Variants in PLA2G4E observed in about 807,000 individuals in gnomAD.
The protein encoded by PLA2G4E is phospholipase A2 group IVE.
A neutral mutation model predicts 109.1 loss-of-function variants in PLA2G4E; 84 were observed. The observed-to-expected ratio is 0.77, with a 90% confidence interval of 0.65 to 0.92. The LOEUF (loss-of-function observed/expected upper bound fraction) is 0.92, where lower values mean the gene tolerates loss of function less well. PLA2G4E is among the 40% of genes least tolerant of loss of function. The pLI, the probability that PLA2G4E is intolerant of heterozygous loss-of-function variation, is 0.00. For synonymous variants in PLA2G4E, 469 were observed against 436.1 expected (o/e 1.08, Z -0.94); for missense variants, 1,057 against 1,076.6 (o/e 0.98, Z 0.25).
intron 1 of PLA2G4E, among the ~76,000 whole-genome samples, chr15:42,039,845 A>G (rs919300076): frequency 7.9e-5 from 12 of 152,210 alleles, no homozygotes; most frequent in African/African-American, 2.7e-4. Flanking sequence ...GGGAAAATAA[A>G]ATGATCAATT....
intron 1 of PLA2G4E, among the ~76,000 whole-genome samples, chr15:42,042,229 T>C (rs977958229): frequency 1.3e-5 from 2 of 152,188 alleles, no homozygotes; most frequent in Non-Finnish European, 2.9e-5. Context: ...AATGACAAGT[T>C]TTACAATACG....
intron 18 of PLA2G4E, among the ~76,000 whole-genome samples, chr15:41,985,149 C>T (rs1234196443): frequency 2.0e-5 from 3 of 152,174 alleles, no homozygotes; most frequent in Non-Finnish European, 4.4e-5. Flanking sequence ...TCTTGGTTTC[C>T]TCATCCATAA....
At chr15:42,040,174 T>C (rs937264391) in intron 1 of PLA2G4E, among the ~76,000 whole-genome samples, 1 of 151,720 alleles carries the variant, frequency 6.6e-6, no homozygotes, top group African/African-American at 2.4e-5. Context: ...CCTCCATCAT[T>C]CTACAAAACT....
At chr15:41,983,920 G>A (rs2068098324) in exon 20 of PLA2G4E, 1 of 1,613,036 alleles carries the variant, frequency 6.2e-7, no homozygotes, top group African/African-American at 1.3e-5. Context: ...GGGAGTTTTG[G>A]GACCATAAAT....
rs142903033 is a variant in PLA2G4E at position 42,021,289 on chromosome 15, C to T, written c.184-7532G>A. Among the ~76,000 whole-genome samples, 339 of 152,102 alleles carry T rather than the reference C, an allele frequency of 2.2e-3. 1 individual carries two copies. The highest frequency in any genetic ancestry group is 7.7e-3 in the African/African-American group (319 of 41,494). On this transcript the variant is annotated intron_variant, in intron 1 of 19. Coordinates refer to ENST00000399518, the Ensembl canonical transcript of PLA2G4E. Reference sequence around the variant, plus strand: ...CCCCCAGCCACTCAGAATGACCAGGCCTTCAAGGGCACAGTGGGTGGCAAG... The same window carrying T: ...CCCCCAGCCACTCAGAATGACCAGGTCTTCAAGGGCACAGTGGGTGGCAAG...
chr15:42,027,795 A>G (rs1252307386), intron 1 of PLA2G4E, among the ~76,000 whole-genome samples: 1 of 149,720 alleles, frequency 6.7e-6, no homozygotes, highest in African/African-American at 2.5e-5. Flanking sequence ...CCTTGACCGC[A>G]CTCTGTTTAT....
At chr15:42,013,428 C>T (rs866028740) in intron 2 of PLA2G4E, among the ~76,000 whole-genome samples, 4 of 152,124 alleles carry the variant, frequency 2.6e-5, no homozygotes, top group Non-Finnish European at 4.4e-5. Context: ...GCACAGACTG[C>T]GGGGCAGGTA....
chr15:42,027,139 G>A (rs1012540678), intron 1 of PLA2G4E, among the ~76,000 whole-genome samples: 2 of 152,144 alleles, frequency 1.3e-5, no homozygotes, highest in East Asian at 1.9e-4. Flanking sequence ...CACACGAGAC[G>A]CACGCAGAAC....
intron 4 of PLA2G4E, among the ~76,000 whole-genome samples, chr15:42,005,367 C>G (rs1017178109): frequency 6.6e-6 from 1 of 152,244 alleles, no homozygotes; most frequent in Non-Finnish European, 1.5e-5. Flanking sequence ...CACTGAGTCC[C>G]TCACACCTCT....
rs374184492 is a variant in PLA2G4E at position 41,984,638 on chromosome 15, C to T, written c.2203-19G>A. 5.0e-5 allele frequency: 78 copies of T among 1,551,960 alleles called. No homozygotes were observed. Among genetic ancestry groups the T allele is most frequent in the Middle Eastern group, 1.7e-4 (1 of 5,780 alleles). On this transcript the variant is annotated intron_variant, in intron 18 of 19. Coordinates refer to ENST00000399518, the Ensembl canonical transcript of PLA2G4E. ...TCAGGGGCTGGAACAGCACAGAGGG[C>T]GTGTTTGAGCATTAGGAGGAGTGGG...
intron 1 of PLA2G4E, among the ~76,000 whole-genome samples, chr15:42,019,687 G>T (rs954871696): frequency 6.6e-6 from 1 of 152,204 alleles, no homozygotes; most frequent in Non-Finnish European, 1.5e-5. Flanking sequence ...GAGGGGACAT[G>T]ATGGGACCCT....
chr15:41,989,019 C>G (rs76656624), intron 15 of PLA2G4E, among the ~76,000 whole-genome samples: 1 of 152,122 alleles, frequency 6.6e-6, no homozygotes, highest in African/African-American at 2.4e-5. Flanking sequence ...CATGAAGAAC[C>G]GAGGCGCTTA....
chr15:42,000,177 G>A, exon 8 of PLA2G4E: 2 of 1,594,974 alleles, frequency 1.3e-6, no homozygotes, highest in Non-Finnish European at 8.5e-7. Flanking sequence ...GTGGAAGCAG[G>A]CAGCGGTTTG....
At position 42,000,004 on chromosome 15, in the gene PLA2G4E, G is replaced by C. The variant is rs2068397932; in HGVS notation, c.853-4C>G. 1 of 1,604,906 alleles carries C rather than the reference G, an allele frequency of 6.2e-7. No individual in the cohort carries two copies. Among genetic ancestry groups the C allele is most frequent in the African/African-American group, 1.3e-5 (1 of 74,812 alleles). On this transcript the variant is annotated splice_region_variant and splice_polypyrimidine_tract_variant and intron_variant, in intron 8 of 19. Transcript: ENST00000399518. The stretch of plus-strand genomic sequence containing the variant: ...TCTTGCGAGAGCGGCAGCAAAGCTG[G>C]AGGGATGGGTGGGTTCTGTGAGAGG...
At chr15:41,994,054 G>A (rs1373213951) in intron 12 of PLA2G4E, among the ~76,000 whole-genome samples, 6 of 151,488 alleles carry the variant, frequency 4.0e-5, no homozygotes, top group Admixed American at 2.6e-4. Context: ...ACCTACTACC[G>A]GGGGCAGCCA....
intron 1 of PLA2G4E, among the ~76,000 whole-genome samples, chr15:42,040,244 C>T (rs548596615): frequency 2.5e-4 from 38 of 152,068 alleles, no homozygotes; most frequent in Middle Eastern, 6.8e-3. Flanking sequence ...GTATTTAAGG[C>T]CTAGAGCATC....
At chr15:42,003,875 CT>C in intron 5 of PLA2G4E, among the ~76,000 whole-genome samples, 1 of 112,306 alleles carries the variant, frequency 8.9e-6, no homozygotes, top group Non-Finnish European at 2.3e-5. Flanking sequence ...TTCTTTCTTT[CT>C]TTCTTCCTTT....
chr15:42,013,295 A>G lies in PLA2G4E; in HGVS notation c.256+390T>C, dbSNP rs183562489. 2.7e-3 allele frequency among the ~76,000 whole-genome samples: 404 copies of G among 152,296 alleles called. 1 individual carries two copies. Among genetic ancestry groups the G allele is most frequent in the African/African-American group, 9.2e-3 (381 of 41,562 alleles). On this transcript the variant is annotated intron_variant, in intron 2 of 19. Transcript: ENST00000399518. ...GCCTCTCCTTCCACTTCACCCCAAC[A>G]GGCCCTAACCGAAAGGAGGAGCAAG...
intron 1 of PLA2G4E, among the ~76,000 whole-genome samples, chr15:42,037,215 G>A (rs541909616): frequency 1.3e-5 from 2 of 152,330 alleles, no homozygotes; most frequent in East Asian, 3.9e-4. Flanking sequence ...GTGGGTCCCT[G>A]GTGAGGCCCC....
Sources: gnomAD v4.1 joint callset for allele counts (sites outside exome capture counted in the v4.1 genomes callset) on GRCh38, gnomAD v4.1.1 for gene constraint, MANE v1.5 for transcripts, NCBI Gene and HGNC (gene_info 2026-07-23, HGNC 2026-07-21) for gene names.